The following ING3 variants were observed in gnomAD, a reference collection of about 807,000 sequenced individuals.
ING3 encodes inhibitor of growth protein 3.
ING3 carries 6 observed loss-of-function variants against 64.8 expected under a neutral mutation model. The ratio of observed to expected loss-of-function variants is 0.09; its 90% CI spans 0.05 to 0.18. ING3 has a LOEUF of 0.18. Among genes scored for constraint, ING3 ranks in the 10% least tolerant of loss-of-function variants. The pLI, the probability that ING3 is intolerant of heterozygous loss-of-function variation, is 1.00. For synonymous variants in ING3, 170 were observed against 173.7 expected (o/e 0.98, Z 0.17); for missense variants, 310 against 489.7 (o/e 0.63, Z 3.46).
At chr7:120,951,453 C>T (rs938915946) in intron 2 of ING3, among the ~76,000 whole-genome samples, 3 of 152,212 alleles carry the variant, frequency 2.0e-5, no homozygotes, top group African/African-American at 7.2e-5. Flanking sequence ...GGCATTGGGA[C>T]ACGTGTATTC....
intron 5 of ING3, among the ~76,000 whole-genome samples, chr7:120,965,294 C>T (rs1297573745): frequency 6.6e-6 from 1 of 152,150 alleles, no homozygotes; most frequent in Admixed American, 6.5e-5. Flanking sequence ...AACACTACCT[C>T]TTTTTCTTAA....
intron 7 of ING3, 58 bp from the exon 8 acceptor site, chr7:120,967,876 G>A: frequency 2.0e-6 from 3 of 1,536,948 alleles, no homozygotes; most frequent in Non-Finnish European, 2.7e-6. Context: ...ATGTAATTTA[G>A]ACTCACTAAC....
At position 120,951,154 on chromosome 7, in the gene ING3, C is replaced by T; in HGVS notation, c.29-10C>T. The T allele has an allele frequency of 6.2e-7, 1 of 1,614,106 alleles. No homozygotes were observed. The highest frequency in any genetic ancestry group is 1.3e-5 in the African/African-American group (1 of 75,054). ...GGCCCCGCCCCTCTGACGGACTCTC[C>T]CTTTGACAGTGATTGAGCAGCTTCC... is the stretch of plus-strand genomic sequence containing the variant. On this transcript the variant is annotated splice_polypyrimidine_tract_variant and intron_variant, in intron 1 of 11. Coordinates refer to ENST00000315870, the MANE Select transcript of ING3 (RefSeq NM_019071.3).
Position 120,969,072 on chromosome 7 carries a change from A to T in ING3, c.776A>T (p.Asp259Val). Residue 259 changes from aspartate (D) to valine (V), a missense_variant, in exon 9 of 12, where the codon GAC becomes GTC. By Grantham distance (152) the Asp-to-Val change is radical (BLOSUM62 -3). This residue lies in a region of ING3 where 233 missense variants were observed against 289.4 expected (regional missense o/e 0.81). Coordinates refer to ENST00000315870, the MANE Select transcript of ING3 (RefSeq NM_019071.3). The part of the protein sequence containing the change: ...KASYEAFKNN[D>V]FQLGKEFSMA... ...AGTTATGAAGCATTTAAGAATAATG[A>T]CTTTCAGTTGGGAAAAGAATTTTCA... The T allele has an allele frequency of 6.2e-7, 1 of 1,613,962 alleles. No individual in the cohort carries two copies. Among genetic ancestry groups the T allele is most frequent in the Non-Finnish European group, 8.5e-7 (1 of 1,179,906 alleles).
rs1368744390 is a variant in ING3, at chr7:120,976,827, C to CA, written c.*1986dup. The CA allele has an allele frequency of 6.6e-6, 1 of 152,120 alleles. No individual in the cohort carries two copies. Among genetic ancestry groups the CA allele is most frequent in the Non-Finnish European group, 1.5e-5 (1 of 68,004 alleles). 9.4% of individuals were successfully genotyped at this position (152,120 alleles called of 1,614,324 possible). A position where few individuals can be genotyped will look rare whatever the true frequency, so the allele number is the denominator to read the frequency against. ...AAAACACTTTGACAAGTTTTAAACT[C>CA]AAACACTGAATATTTTATGAAGCAT... On this transcript the variant is annotated 3_prime_UTR_variant, in exon 12 of 12. Coordinates refer to ENST00000315870, the MANE Select transcript of ING3 (RefSeq NM_019071.3).
At position 120,976,191 on chromosome 7, in the gene ING3, C is replaced by A. The variant is rs796248087; in HGVS notation, c.*1347C>A. 8 of 151,948 alleles carry A rather than the reference C, an allele frequency of 5.3e-5. No individual in the cohort carries two copies. The highest frequency in any genetic ancestry group is 1.9e-4 in the African/African-American group (8 of 41,432). 9.4% of individuals were successfully genotyped at this position (151,948 alleles called of 1,614,324 possible). The stretch of plus-strand genomic sequence containing the variant: ...TTTAAAGTATAATATTGAGTCTGGT[C>A]GATAGAAAAATCCTTAACTTTTAAG... On this transcript the variant is annotated 3_prime_UTR_variant, in exon 12 of 12. Transcript: ENST00000315870.
chr7:120,950,808 G>A lies in ING3; in HGVS notation c.-89G>A. 2 of 1,096,536 alleles carry A rather than the reference G, an allele frequency of 1.8e-6. No individual in the cohort carries two copies. Among genetic ancestry groups the A allele is most frequent in the Non-Finnish European group, 2.6e-6 (2 of 773,336 alleles). 67.9% of individuals were successfully genotyped at this position (1,096,536 alleles called of 1,614,324 possible). A position where few individuals can be genotyped will look rare whatever the true frequency, so the allele number is the denominator to read the frequency against. ...TCGAGCGGGTGCTGCTAGCGGAGGC[G>A]CCATATTGGAGGGGACAAAACTCCG... On this transcript the variant is annotated 5_prime_UTR_variant, in exon 1 of 12. Transcript: ENST00000315870.
At chr7:120,953,247 G>C in intron 2 of ING3, 57 bp from the exon 3 acceptor site, 1 of 989,768 alleles carries the variant, frequency 1.0e-6, no homozygotes, top group Non-Finnish European at 1.5e-6. Flanking sequence ...ATCAAACCAT[G>C]TATATTTAGT....
In ING3 at chr7:120,958,691, T is replaced by C. The variant is rs186700149; in HGVS notation, c.267+3067T>C. 1.4e-4 allele frequency among the ~76,000 whole-genome samples: 22 copies of C among 152,378 alleles called. No individual in the cohort carries two copies. In the East Asian group the frequency reaches 1.9e-3, roughly 13 times the overall value. The stretch of plus-strand genomic sequence containing the variant: ...TGCTGCATCTTTGCTTCATCACTTA[T>C]GCCTTCTCTTTTTCATCTTTAGCCT... On this transcript the variant is annotated intron_variant, in intron 4 of 11. Coordinates refer to ENST00000315870, the MANE Select transcript of ING3 (RefSeq NM_019071.3).
At position 120,951,198 on chromosome 7, in the gene ING3, C is replaced by A. The variant is rs932370241; in HGVS notation, c.63C>A (p.Arg21=). 1 of 1,614,084 alleles carries A rather than the reference C, an allele frequency of 6.2e-7. No homozygotes were observed. Among genetic ancestry groups the A allele is most frequent in the Non-Finnish European group, 8.5e-7 (1 of 1,180,046 alleles). The change falls in exon 2 of 12, where the codon CGC becomes CGA. Residue 21 remains arginine (R), a synonymous_variant. Transcript: ENST00000315870. ...IEQLPMDLRD[R]FTEMREMDLQ... is the part of the protein sequence containing the mutation. The stretch of plus-strand genomic sequence containing the variant: ...AGCTTCCTATGGATCTGCGGGACCG[C>A]TTCACGGAAATGCGCGAGATGGACC...
At chr7:120,957,692 C>G (rs1795869696) in intron 4 of ING3, among the ~76,000 whole-genome samples, 1 of 152,042 alleles carries the variant, frequency 6.6e-6, no homozygotes. Flanking sequence ...AAGGAAAGTA[C>G]AAATTCAGAA....
intron 3 of ING3, among the ~76,000 whole-genome samples, chr7:120,954,374 C>T (rs987221386): frequency 2.0e-5 from 3 of 151,690 alleles, no homozygotes; most frequent in African/African-American, 7.3e-5. Context: ...TGCAGTGAGC[C>T]TAGATCGCGC....
At chr7:120,954,656 C>A (rs561770132) in intron 3 of ING3, among the ~76,000 whole-genome samples, 4 of 152,106 alleles carry the variant, frequency 2.6e-5, no homozygotes, top group South Asian at 4.1e-4. Flanking sequence ...AGTCACTAAT[C>A]ATTTCTTTAA....
chr7:120,964,696 CA>C, intron 4 of ING3, 45 bp from the exon 5 acceptor site: 1 of 1,461,574 alleles, frequency 6.8e-7, no homozygotes, highest in Non-Finnish European at 9.6e-7. Context: ...GACACTTTAA[CA>C]GTGTCCCAAA....
Position 120,966,623 on chromosome 7 carries a change from T to A in ING3, c.365-3T>A. The A allele has an allele frequency of 6.2e-7, 1 of 1,609,934 alleles. No homozygotes were observed. The highest frequency in any genetic ancestry group is 2.2e-5 in the East Asian group (1 of 44,858). ...GTGTATCTCTGTGCCTCTCTTCTTT[T>A]AGGATCTTTGGAATTAGACACTCCT... On this transcript the variant is annotated splice_region_variant and splice_polypyrimidine_tract_variant and intron_variant, in intron 5 of 11. Transcript: ENST00000315870.
chr7:120,957,429 C>T (rs1584988895), intron 4 of ING3, among the ~76,000 whole-genome samples: 1 of 150,236 alleles, frequency 6.7e-6, no homozygotes, highest in Non-Finnish European at 1.5e-5. Flanking sequence ...TGTCTGTAAA[C>T]TACTGTTGTG....
chr7:120,966,234 C>T (rs12533095), intron 5 of ING3, among the ~76,000 whole-genome samples: 7,747 of 152,140 alleles, frequency 0.051, 480 homozygotes, highest in African/African-American at 0.15. Context: ...TCCCCCATCA[C>T]GTAGAACTTC....
chr7:120,965,770 A>G (rs906260938), intron 5 of ING3, among the ~76,000 whole-genome samples: 1 of 152,168 alleles, frequency 6.6e-6, no homozygotes, highest in African/African-American at 2.4e-5. Flanking sequence ...TTGTGTTCAA[A>G]AGTAGATCCA....
chr7:120,956,785 A>G (rs991709246), intron 4 of ING3: 1 of 977,910 alleles, frequency 1.0e-6, no homozygotes, highest in Non-Finnish European at 1.2e-6. Context: ...TTGTTTAGTA[A>G]CATTCTTCCT....
Sources: allele counts gnomAD v4.1 joint callset (sites outside exome capture counted in the v4.1 genomes callset), GRCh38; gene constraint gnomAD v4.1.1; regional missense constraint gnomAD v4.1.1; transcripts MANE v1.5; gene names NCBI Gene and HGNC (gene_info 2026-07-23, HGNC 2026-07-21).